The following NOS1AP variants were observed in gnomAD, a reference collection of about 807,000 sequenced individuals.
NOS1AP encodes the protein carboxyl-terminal PDZ ligand of neuronal nitric oxide synthase protein.
NOS1AP carries 21 observed loss-of-function variants against 56.2 expected under a neutral mutation model. The ratio of observed to expected loss-of-function variants is 0.37; its 90% CI spans 0.26 to 0.54. The LOEUF is 0.54. Ranked by LOEUF, NOS1AP falls within the 20% of genes least tolerant of loss-of-function variation. The probability of loss-of-function intolerance (pLI) is 0.84; values close to 1 mark genes in which losing one functional copy is unlikely to be tolerated. For missense variants in NOS1AP, 522 were observed against 657.8 expected, an observed-to-expected ratio of 0.79 and a Z score of 2.26; for synonymous variants, 270 against 274.6, an observed-to-expected ratio of 0.98 and a Z score of 0.17.
intron 2 of NOS1AP, among the ~76,000 whole-genome samples, chr1:162,234,569 AAT>A (rs1429137478): frequency 6.6e-6 from 1 of 152,116 alleles, no homozygotes; most frequent in Non-Finnish European, 1.5e-5. Flanking sequence ...ACGTGGAGCC[AAT>A]GTGTCTCTTC....
chr1:162,252,685 C>T (rs1369831661), intron 2 of NOS1AP, among the ~76,000 whole-genome samples: 1 of 152,162 alleles, frequency 6.6e-6, no homozygotes, highest in Non-Finnish European at 1.5e-5. Context: ...CTCTTTGGGG[C>T]ACAGTTTCAC....
At chr1:162,357,974 G>A (rs914339412) in intron 8 of NOS1AP, among the ~76,000 whole-genome samples, 4 of 148,542 alleles carry the variant, frequency 2.7e-5, no homozygotes, top group African/African-American at 7.3e-5. Flanking sequence ...ATCCTGAGGC[G>A]AGAGGCAGGG....
At chr1:162,278,516 T>G (rs946657702) in intron 2 of NOS1AP, among the ~76,000 whole-genome samples, 4 of 152,148 alleles carry the variant, frequency 2.6e-5, no homozygotes, top group African/African-American at 9.7e-5. Context: ...ACATGATTGA[T>G]TACCTTCTTT....
intron 2 of NOS1AP, among the ~76,000 whole-genome samples, chr1:162,229,333 A>C (rs1479768226): frequency 6.6e-6 from 1 of 152,212 alleles, no homozygotes; most frequent in Non-Finnish European, 1.5e-5. Flanking sequence ...GAAACCCTGG[A>C]GTAAGAAAAA....
chr1:162,360,987 T>A (rs1029169625), intron 8 of NOS1AP: 5 of 451,702 alleles, frequency 1.1e-5, no homozygotes, highest in Non-Finnish European at 2.2e-5. Context: ...TGAGGGTGGG[T>A]TTCAGAGTTT....
intron 4 of NOS1AP, among the ~76,000 whole-genome samples, chr1:162,313,223 A>G (rs1244168954): frequency 6.6e-6 from 1 of 152,188 alleles, no homozygotes; most frequent in Non-Finnish European, 1.5e-5. Flanking sequence ...TAAACTTTCC[A>G]TGATAGTTTT....
chr1:162,304,794 G>GTA (rs1246883124), intron 4 of NOS1AP, among the ~76,000 whole-genome samples: 1 of 151,598 alleles, frequency 6.6e-6, no homozygotes, highest in Non-Finnish European at 1.5e-5. Context: ...GTGTGTGTGT[G>GTA]TGTGTGTGTG....
intron 3 of NOS1AP, among the ~76,000 whole-genome samples, chr1:162,293,051 A>G (rs561286003): frequency 6.6e-6 from 1 of 152,142 alleles, no homozygotes; most frequent in Admixed American, 6.5e-5. Context: ...TACTTTAAAA[A>G]CAGGCCTATT....
chr1:162,081,732 ATATATC>A (rs1398296143), intron 1 of NOS1AP, among the ~76,000 whole-genome samples: 6 of 119,900 alleles, frequency 5.0e-5, no homozygotes, highest in Non-Finnish European at 1.1e-4. Flanking sequence ...ATCTATATCT[ATATATC>A]TATATCTATA....
chr1:162,287,694 A>ACC (rs530465271), intron 3 of NOS1AP, among the ~76,000 whole-genome samples: 2,165 of 151,030 alleles, frequency 0.014, 25 homozygotes, highest in Middle Eastern at 0.031. Context: ...CATGCCTTCA[A>ACC]CCCCCCTCCC....
At position 162,369,708 on chromosome 1, in the gene NOS1AP, G is replaced by A. The variant is rs936361585; in HGVS notation, c.*2241G>A. ...CATCCAAGACTCCTGCCCTTGGGGT[G>A]TTCCATGGTGGTTTCTTCCTGCCTG... On this transcript the variant is annotated 3_prime_UTR_variant, in exon 10 of 10. Transcript: ENST00000361897. 1.3e-5 allele frequency: 2 copies of A among 152,308 alleles called. No individual in the cohort carries two copies. The highest frequency in any genetic ancestry group is 2.9e-5 in the Non-Finnish European group (2 of 68,112). 9.4% of individuals were successfully genotyped at this position (152,308 alleles called of 1,614,324 possible). A position where few individuals can be genotyped will look rare whatever the true frequency, so the allele number is the denominator to read the frequency against.
chr1:162,250,138 T>C (rs1653801748), intron 2 of NOS1AP, among the ~76,000 whole-genome samples: 2 of 152,176 alleles, frequency 1.3e-5, no homozygotes, highest in African/African-American at 4.8e-5. Flanking sequence ...TTTCAGGGCT[T>C]ATGCTGTCTT....
At chr1:162,136,127 C>T (rs911578574) in intron 1 of NOS1AP, among the ~76,000 whole-genome samples, 1 of 152,098 alleles carries the variant, frequency 6.6e-6, no homozygotes, top group Non-Finnish European at 1.5e-5. Flanking sequence ...GAGCAGGGTA[C>T]TGCTATGGTG....
At chr1:162,140,589 A>G (rs573937551) in intron 1 of NOS1AP, among the ~76,000 whole-genome samples, 2 of 152,338 alleles carry the variant, frequency 1.3e-5, no homozygotes, top group Admixed American at 1.3e-4. Flanking sequence ...GCTATTGTGA[A>G]TAATGCTGCA....
chr1:162,182,314 G>A (rs1223438999), intron 2 of NOS1AP, among the ~76,000 whole-genome samples: 1 of 152,150 alleles, frequency 6.6e-6, no homozygotes, highest in Non-Finnish European at 1.5e-5. Context: ...GAGATACTGC[G>A]GGTTTGGTTC....
At chr1:162,296,326 T>G (rs1655461224) in intron 3 of NOS1AP, among the ~76,000 whole-genome samples, 1 of 152,174 alleles carries the variant, frequency 6.6e-6, no homozygotes, top group Non-Finnish European at 1.5e-5. Flanking sequence ...ATTAGCTTCT[T>G]GAATAACCAA....
rs772456094 is a variant in NOS1AP, at chr1:162,360,008, TC to T, written c.939+2881del. Reference sequence around the variant, plus strand: ...GTCACTTGTTGCACTATTTATGTCGTCCCCCCCCCACCACCCCCATTTCTTC... The same window carrying T: ...GTCACTTGTTGCACTATTTATGTCGTCCCCCCCCACCACCCCCATTTCTTC... On this transcript the variant is annotated intron_variant, in intron 8 of 9. Coordinates refer to ENST00000361897, the MANE Select transcript of NOS1AP (RefSeq NM_014697.3). Among the ~76,000 whole-genome samples the T allele has an allele frequency of 4.2e-4, 59 of 140,994 alleles. No homozygotes were observed. In the Middle Eastern group the frequency reaches 0.011, roughly 27 times the overall value. 92.5% of individuals were successfully genotyped at this position (140,994 alleles called of 152,430 possible).
intron 4 of NOS1AP, among the ~76,000 whole-genome samples, chr1:162,310,248 A>G (rs901786437): frequency 2.2e-4 from 33 of 152,224 alleles, no homozygotes; most frequent in African/African-American, 7.7e-4. Flanking sequence ...TTCTTTGCTT[A>G]TGATATATAC....
At chr1:162,313,122 G>A (rs567401529) in intron 4 of NOS1AP, among the ~76,000 whole-genome samples, 1 of 152,252 alleles carries the variant, frequency 6.6e-6, no homozygotes, top group East Asian at 1.9e-4. Flanking sequence ...CTTTTCAAAA[G>A]TCATTTCATG....
Sources: gnomAD v4.1 joint callset for allele counts (sites outside exome capture counted in the v4.1 genomes callset) on GRCh38, gnomAD v4.1.1 for gene constraint, MANE v1.5 for transcripts, NCBI Gene and HGNC (gene_info 2026-07-23, HGNC 2026-07-21) for gene names.